The following NPR3 variants were observed in gnomAD, a reference collection of about 807,000 sequenced individuals.
NPR3 encodes atrial natriuretic peptide receptor 3.
Under a neutral mutation model 54.5 loss-of-function variants are expected in NPR3, and 34 were observed. The ratio of observed to expected loss-of-function variants is 0.62; its 90% CI spans 0.47 to 0.83. The LOEUF is 0.83. NPR3 is among the 40% of genes least tolerant of loss of function. The pLI, the probability that NPR3 is intolerant of heterozygous loss-of-function variation, is 0.00. For synonymous variants in NPR3, 289 were observed against 297.1 expected (o/e 0.97, Z 0.28); for missense variants, 674 against 720.8 (o/e 0.94, Z 0.74).
At chr5:32,709,699 C>T (rs1738108051), upstream of NPR3, 1 of 152,164 alleles carries the variant, frequency 6.6e-6, no homozygotes, top group African/African-American at 2.4e-5. Flanking sequence ...TACCCATAAT[C>T]ACATTGACGG....
chr5:32,748,882 C>T (rs1324778221), intron 3 of NPR3, among the ~76,000 whole-genome samples: 1 of 152,156 alleles, frequency 6.6e-6, no homozygotes, highest in Non-Finnish European at 1.5e-5. Flanking sequence ...AGTTGATTCT[C>T]TAATTTTCTC....
At position 32,787,922 on chromosome 5, in the gene NPR3, T is replaced by C. The variant is rs1317454114; in HGVS notation, c.*1577T>C. ...GTTTAAAAAATTGTCTTAATATCTA[T>C]TAAAAGGCATGTCTAGTGAGGAAAC... is the stretch of plus-strand genomic sequence containing the variant. On this transcript the variant is annotated 3_prime_UTR_variant, in exon 8 of 8. Coordinates refer to ENST00000265074, the MANE Select transcript of NPR3 (RefSeq NM_001204375.2). 1 of 152,198 alleles carries C rather than the reference T, an allele frequency of 6.6e-6. No homozygotes were observed. The highest frequency in any genetic ancestry group is 1.5e-5 in the Non-Finnish European group (1 of 68,050). The allele number at this position is 152,198 out of a possible 1,614,324, so 9.4% of individuals were successfully genotyped here. A position where few individuals can be genotyped will look rare whatever the true frequency, so the allele number is the denominator to read the frequency against.
chr5:32,707,996 TAAAAAA>T (rs58410343), upstream of NPR3, among the ~76,000 whole-genome samples: 1 of 131,492 alleles, frequency 7.6e-6, no homozygotes, highest in African/African-American at 2.8e-5. Flanking sequence ...GTAGTAGCTT[TAAAAAA>T]AAAAAAAAAA....
chr5:32,774,509 T>C (rs1741935928), intron 3 of NPR3, among the ~76,000 whole-genome samples, 199 bp from the exon 4 acceptor site: 1 of 152,132 alleles, frequency 6.6e-6, no homozygotes, highest in African/African-American at 2.4e-5. Flanking sequence ...CTTTCCAAAT[T>C]CCCCAACTGG....
intron 3 of NPR3, among the ~76,000 whole-genome samples, chr5:32,750,925 G>T (rs1740543817): frequency 6.6e-6 from 1 of 152,176 alleles, no homozygotes; most frequent in Non-Finnish European, 1.5e-5. Context: ...AAAGGGTGGT[G>T]TCTTGCAGGT....
At chr5:32,729,020 T>G (rs1739309096) in intron 2 of NPR3, among the ~76,000 whole-genome samples, 1 of 106,496 alleles carries the variant, frequency 9.4e-6, no homozygotes, top group African/African-American at 4.4e-5. Flanking sequence ...GTGTGTTTTT[T>G]TTTTTTTTTG....
intron 3 of NPR3, among the ~76,000 whole-genome samples, chr5:32,768,074 C>T (rs576558247): frequency 9.2e-5 from 14 of 152,284 alleles, no homozygotes; most frequent in African/African-American, 2.4e-4. Flanking sequence ...CTCCTCTTCC[C>T]GCCCTTCTCC....
At position 32,787,484 on chromosome 5, in the gene NPR3, G is replaced by A. The variant is rs1742699836; in HGVS notation, c.*1139G>A. The A allele has an allele frequency of 1.3e-5, 2 of 152,174 alleles. No individual in the cohort carries two copies. The highest frequency in any genetic ancestry group is 4.8e-5 in the African/African-American group (2 of 41,438). 9.4% of individuals were successfully genotyped at this position (152,174 alleles called of 1,614,324 possible). On this transcript the variant is annotated 3_prime_UTR_variant, in exon 8 of 8. Transcript: ENST00000265074. ...GCCCTTTTCCCTCAAGAACAACTTT[G>A]TTGAGAGTTACTACTTGACAGCAAG... is the stretch of plus-strand genomic sequence containing the variant.
chr5:32,710,215 CTCCGAGGCAGGA>C (rs1738138640), upstream of NPR3: 1 of 152,256 alleles, frequency 6.6e-6, no homozygotes, highest in Non-Finnish European at 1.5e-5. Context: ...AGGACTGGGT[CTCCGAGGCAGGA>C]CCTTTCTTGG....
chr5:32,713,793 T>G (rs1738395681), intron 1 of NPR3, among the ~76,000 whole-genome samples: 1 of 152,228 alleles, frequency 6.6e-6, no homozygotes. Context: ...TGTCACCGCC[T>G]TGCCATCTTG....
intron 4 of NPR3, among the ~76,000 whole-genome samples, chr5:32,778,071 A>T (rs1205203495): frequency 6.6e-6 from 1 of 151,562 alleles, no homozygotes; most frequent in Non-Finnish European, 1.5e-5. Flanking sequence ...TGTGAAGGGG[A>T]GGGTAGGTGC....
In NPR3 at chr5:32,712,032, A is replaced by G; in HGVS notation, c.256A>G (p.Asn86Asp). Residue 86 changes from asparagine (N) to aspartate (D), a missense_variant, in exon 1 of 8, where the codon AAC becomes GAC. Asn to Asp is a conservative substitution (Grantham distance 23). Coordinates refer to ENST00000265074, the MANE Select transcript of NPR3 (RefSeq NM_001204375.2). Reference sequence around the variant, plus strand: ...GTATGCTCTGCGCAGCGTGGAGGGCAACGGGACTGGGAGGCGGCTTCTGCC... The same window carrying G: ...GTATGCTCTGCGCAGCGTGGAGGGCGACGGGACTGGGAGGCGGCTTCTGCC... ...IEYALRSVEG[N>D]GTGRRLLPPG... 1 of 1,613,798 alleles carries G rather than the reference A, an allele frequency of 6.2e-7. No homozygotes were observed. The highest frequency in any genetic ancestry group is 8.5e-7 in the Non-Finnish European group (1 of 1,179,784).
chr5:32,776,905 T>G (rs1480683495), intron 4 of NPR3, among the ~76,000 whole-genome samples: 1 of 152,090 alleles, frequency 6.6e-6, no homozygotes, highest in Non-Finnish European at 1.5e-5. Flanking sequence ...AGGGAAGGTC[T>G]CTGAGAGTGA....
At chr5:32,784,168 G>T (rs1232323439) in intron 6 of NPR3, among the ~76,000 whole-genome samples, 1 of 152,062 alleles carries the variant, frequency 6.6e-6, no homozygotes, top group South Asian at 2.1e-4. Flanking sequence ...TCAGTGCCCT[G>T]GTCCATCTGG....
chr5:32,776,940 T>C (rs1742082823), intron 4 of NPR3, among the ~76,000 whole-genome samples: 1 of 151,658 alleles, frequency 6.6e-6, no homozygotes, highest in African/African-American at 2.4e-5. Context: ...CCGAGGGAAG[T>C]GAGGGAAGCT....
rs756654584 is a variant in NPR3 at position 32,782,921 on chromosome 5, G to C, written c.1319G>C (p.Gly440Ala). ...EVIGDYFGKEGRFEMRPNVKY... is the reference protein window; with the variant it reads ...EVIGDYFGKEARFEMRPNVKY... ...ATTGGTGATTATTTTGGAAAAGAAG[G>C]TCGTTTTGAAATGCGGCCGAATGTC... Residue 440 changes from glycine (G) to alanine (A), a missense_variant, in exon 6 of 8, where the codon GGT (glycine) becomes GCT (alanine). Coordinates refer to ENST00000265074, the MANE Select transcript of NPR3 (RefSeq NM_001204375.2). 1.9e-6 allele frequency: 3 copies of C among 1,611,724 alleles called. No individual in the cohort carries two copies. The highest frequency in any genetic ancestry group is 2.7e-5 in the African/African-American group (2 of 74,850).
intron 1 of NPR3, among the ~76,000 whole-genome samples, chr5:32,714,326 G>T (rs1257481051): frequency 2.6e-5 from 4 of 151,654 alleles, no homozygotes; most frequent in Non-Finnish European, 5.9e-5. Context: ...AGGGCAGATC[G>T]CGGCCCCGGG....
At chr5:32,720,020 G>T (rs1266934361) in intron 1 of NPR3, among the ~76,000 whole-genome samples, 3 of 152,170 alleles carry the variant, frequency 2.0e-5, no homozygotes, top group South Asian at 4.1e-4. Context: ...GATAAAAGCA[G>T]TTGAACATGG....
intron 2 of NPR3, 106 bp from the exon 3 acceptor site, chr5:32,738,758 C>T (rs74889841): frequency 0.016 from 14,428 of 922,026 alleles, 151 homozygotes; most frequent in Non-Finnish European, 0.02. Flanking sequence ...ACTTCTCTTC[C>T]TGGTTGCCAA....
Sources: allele counts gnomAD v4.1 joint callset (sites outside exome capture counted in the v4.1 genomes callset), GRCh38; gene constraint gnomAD v4.1.1; transcripts MANE v1.5; gene names NCBI Gene and HGNC (gene_info 2026-07-23, HGNC 2026-07-21).